Variants in CEP43 observed in about 807,000 individuals in gnomAD.
The protein encoded by CEP43 is FGFR1 oncogene partner.
A neutral mutation model predicts 52.6 loss-of-function variants in CEP43; 36 were observed. The observed-to-expected ratio is 0.68, with a 90% CI of 0.52 to 0.90. The LOEUF is 0.90. Among genes scored for constraint, CEP43 ranks in the 40% least tolerant of loss-of-function variants. The pLI is 0.00. For missense variants in CEP43, 506 were observed against 472.8 expected, an observed-to-expected ratio of 1.07 and a Z score of -0.65; for synonymous variants, 192 against 172.4, an observed-to-expected ratio of 1.11 and a Z score of -0.89.
intron 5 of CEP43, among the ~76,000 whole-genome samples, chr6:167,006,282 C>T (rs1398249600): frequency 1.3e-5 from 2 of 152,096 alleles, no homozygotes; most frequent in Admixed American, 6.6e-5. Context: ...TTTGGGAGGC[C>T]GAGGTGGGCG....
intron 7 of CEP43, among the ~76,000 whole-genome samples, chr6:167,018,289 G>T (rs1301096601): frequency 6.6e-6 from 1 of 152,218 alleles, no homozygotes; most frequent in Admixed American, 6.5e-5. Context: ...AGTACTGGGA[G>T]TTAGGGGTTT....
chr6:167,006,661 A>G (rs777464656), intron 5 of CEP43, among the ~76,000 whole-genome samples: 1 of 152,256 alleles, frequency 6.6e-6, no homozygotes, highest in African/African-American at 2.4e-5. Flanking sequence ...GTCATTTCAC[A>G]TAAGAGACTT....
intron 12 of CEP43, among the ~76,000 whole-genome samples, chr6:167,038,492 G>A (rs183024872): frequency 1.7e-4 from 26 of 152,316 alleles, no homozygotes; most frequent in Admixed American, 1.6e-3. Flanking sequence ...TTTAGAGTTA[G>A]CAATTCATAG....
intron 12 of CEP43, chr6:167,036,544 T>G (rs1420130703): frequency 1.0e-6 from 1 of 985,298 alleles, no homozygotes; most frequent in Non-Finnish European, 1.2e-6. Flanking sequence ...AGGTTTCTGT[T>G]AATGCATAGC....
At chr6:167,013,397 T>C in intron 6 of CEP43, 111 bp from the exon 7 acceptor site, 2 of 802,902 alleles carry the variant, frequency 2.5e-6, no homozygotes, top group South Asian at 1.7e-5. Flanking sequence ...ATTAACTAGA[T>C]GTTCCACTTC....
Position 167,041,821 on chromosome 6 carries a change from T to G in CEP43, c.*1843T>G, listed in dbSNP as rs1780701180. On this transcript the variant is annotated 3_prime_UTR_variant, in exon 13 of 13. Coordinates refer to ENST00000366847, the MANE Select transcript of CEP43 (RefSeq NM_007045.4). Reference sequence around the variant, plus strand: ...CTTTTTTGTCAGCACTACATACATCTTTTTTTTGCGGGGGGCGGGGGGGAC... The same window carrying G: ...CTTTTTTGTCAGCACTACATACATCGTTTTTTTGCGGGGGGCGGGGGGGAC... 4 of 933,312 alleles carry G rather than the reference T, an allele frequency of 4.3e-6. No individual in the cohort carries two copies. The highest frequency in any genetic ancestry group is 5.1e-6 in the Non-Finnish European group (4 of 777,852). The allele number at this position is 933,312 out of a possible 1,614,324, so 57.8% of individuals were successfully genotyped here.
chr6:167,026,466 G>T, intron 9 of CEP43, 81 bp from the exon 10 acceptor site: 2 of 876,374 alleles, frequency 2.3e-6, no homozygotes, highest in South Asian at 2.8e-5. Context: ...GCCCCATATT[G>T]AACAACGACA....
intron 2 of CEP43, among the ~76,000 whole-genome samples, chr6:167,001,973 C>G (rs933493442): frequency 3.3e-5 from 5 of 152,186 alleles, no homozygotes; most frequent in African/African-American, 1.2e-4. Flanking sequence ...ATTCCCTGAA[C>G]CAGCCTACCA....
chr6:167,031,944 A>G lies in CEP43; in HGVS notation c.989-659A>G, dbSNP rs149986986. ...ACACTGCCTCACTATTCACCATCCC[A>G]CCTTCATTCAGTTGCCTTTTATTAA... On this transcript the variant is annotated intron_variant, in intron 10 of 12. Coordinates refer to ENST00000366847, the MANE Select transcript of CEP43 (RefSeq NM_007045.4). Among the ~76,000 whole-genome samples, 542 of 152,230 alleles carry G rather than the reference A, an allele frequency of 3.6e-3. 4 individuals are homozygous for G. Among genetic ancestry groups the G allele is most frequent in the African/African-American group, 0.013 (525 of 41,534 alleles).
chr6:167,044,656 A>G lies in CEP43; in HGVS notation c.*4678A>G, dbSNP rs547914050. On this transcript the variant is annotated 3_prime_UTR_variant, in exon 13 of 13. Coordinates refer to ENST00000366847, the MANE Select transcript of CEP43 (RefSeq NM_007045.4). ...AAAATGAATCTTGCTGCCCTTAGAAAATGAACCCCCGAACAAGGTAAGGTC... is the reference window on the plus strand; with the variant it reads ...AAAATGAATCTTGCTGCCCTTAGAAGATGAACCCCCGAACAAGGTAAGGTC... 9 of 691,140 alleles carry G rather than the reference A, an allele frequency of 1.3e-5. No individual in the cohort carries two copies. In the South Asian group the frequency reaches 5.2e-4, roughly 40 times the overall value. The allele number at this position is 691,140 out of a possible 1,614,324, so 42.8% of individuals were successfully genotyped here.
intron 9 of CEP43, among the ~76,000 whole-genome samples, chr6:167,026,160 C>T (rs992780975): frequency 2.6e-5 from 4 of 152,096 alleles, no homozygotes; most frequent in Admixed American, 6.6e-5. Context: ...GTCAGGAGTT[C>T]GAGACCAGCC....
chr6:167,009,885 C>CAAAA (rs1352981394), intron 5 of CEP43, among the ~76,000 whole-genome samples: 4 of 151,746 alleles, frequency 2.6e-5, no homozygotes, highest in Admixed American at 1.3e-4. Flanking sequence ...TAAAGATGAC[C>CAAAA]TTTTGAGAAT....
intron 1 of CEP43, 66 bp downstream of exon 1, chr6:166,999,580 A>G (rs1461439013): frequency 1.7e-6 from 2 of 1,204,170 alleles, no homozygotes; most frequent in Admixed American, 3.9e-5. Flanking sequence ...CGGGCGTCAC[A>G]ACGGTCGCGG....
At chr6:167,016,725 T>A (rs1413334509) in intron 7 of CEP43, among the ~76,000 whole-genome samples, 1 of 152,224 alleles carries the variant, frequency 6.6e-6, no homozygotes, top group Non-Finnish European at 1.5e-5. Context: ...AATGAATGGA[T>A]ACATGGATGC....
rs1055846263 is a variant in CEP43 at position 167,049,774 on chromosome 6, T to C, written c.*9796T>C. 8.5e-5 allele frequency: 13 copies of C among 152,336 alleles called. No homozygotes were observed. The highest frequency in any genetic ancestry group is 2.9e-4 in the African/African-American group (12 of 41,578). The allele number at this position is 152,336 out of a possible 1,614,324, so 9.4% of individuals were successfully genotyped here. ...TATAATAACTCTATGTTTGGTGTTT[T>C]GAAGAATTGCTAAATTGTTTTCCAA... On this transcript the variant is annotated 3_prime_UTR_variant, in exon 13 of 13. Coordinates refer to ENST00000366847, the MANE Select transcript of CEP43 (RefSeq NM_007045.4).
chr6:167,011,099 T>G (rs1186927166), intron 6 of CEP43, among the ~76,000 whole-genome samples: 1 of 152,252 alleles, frequency 6.6e-6, no homozygotes, highest in Non-Finnish European at 1.5e-5. Flanking sequence ...ATTTGTATTG[T>G]AGAAAGGAAT....
chr6:167,027,268 C>T (rs58384807), intron 10 of CEP43, among the ~76,000 whole-genome samples: 150 of 152,288 alleles, frequency 9.8e-4, no homozygotes, highest in African/African-American at 3.5e-3. Flanking sequence ...TTACCGAGCC[C>T]TGGGCCATAT....
chr6:167,036,699 A>G, intron 12 of CEP43: 1 of 983,514 alleles, frequency 1.0e-6, no homozygotes. Context: ...AGATATTTTT[A>G]TTTTGTGATG....
In CEP43 at chr6:167,000,232, T is replaced by A; in HGVS notation, c.156+119T>A. On this transcript the variant is annotated intron_variant, in intron 2 of 12. Transcript: ENST00000366847. Reference sequence around the variant, plus strand: ...ATAGCTAGGGATAATTTTGAACTGTTAAGGATTACATTACTATTGAGAGAG... The same window carrying A: ...ATAGCTAGGGATAATTTTGAACTGTAAAGGATTACATTACTATTGAGAGAG... 4.0e-6 allele frequency: 3 copies of A among 754,892 alleles called. 1 individual carries two copies. Among genetic ancestry groups the A allele is most frequent in the Non-Finnish European group, 6.3e-6 (3 of 475,722 alleles). The allele number at this position is 754,892 out of a possible 1,614,324, so 46.8% of individuals were successfully genotyped here. A position where few individuals can be genotyped will look rare whatever the true frequency, so the allele number is the denominator to read the frequency against.
Sources: gnomAD v4.1 joint callset for allele counts (sites outside exome capture counted in the v4.1 genomes callset) on GRCh38, gnomAD v4.1.1 for gene constraint, MANE v1.5 for transcripts, NCBI Gene and HGNC (gene_info 2026-07-23, HGNC 2026-07-21) for gene names.